Variants in ARHGEF40 observed in about 807,000 individuals in gnomAD.
ARHGEF40 encodes the protein Rho guanine nucleotide exchange factor (GEF) 40.
Under a neutral mutation model 165.9 loss-of-function variants are expected in ARHGEF40, and 98 were observed. The observed-to-expected ratio is 0.59, with a 90% CI of 0.50 to 0.70. The LOEUF is 0.70. Ranked by LOEUF, ARHGEF40 falls within the 30% of genes least tolerant of loss-of-function variation. The pLI, the probability that ARHGEF40 is intolerant of heterozygous loss-of-function variation, is 0.00. For synonymous variants in ARHGEF40, 792 were observed against 814.3 expected (o/e 0.97, Z 0.47); for missense variants, 1,815 against 1,968.0 (o/e 0.92, Z 1.47).
chr14:21,074,851 G>C lies in ARHGEF40; in HGVS notation c.1121G>C (p.Arg374Thr). 1 of 1,610,148 alleles carries C rather than the reference G, an allele frequency of 6.2e-7. No individual in the cohort carries two copies. The highest frequency in any genetic ancestry group is 2.2e-5 in the East Asian group (1 of 44,822). The change falls in exon 3 of 24, where the codon AGA (arginine) becomes ACA (threonine). Residue 374 changes from arginine (R) to threonine (T), a missense_variant. Physicochemically the swap from Arg to Thr is moderately conservative, Grantham distance 71. Transcript: ENST00000298694. This position sits in a 1 kb window ranked among gnomAD's most constrained non-coding sequence, Gnocchi z 4.8. ...GAAGGACCACCTGGTACCCCTCGGA[G>C]AACAGGCAAAGGAAACAGAAGAAAG... ...GAEGPPGTPR[R>T]TGKGNRRKKR...
chr14:21,076,327 C>T (rs772592753), intron 5 of ARHGEF40, 33 bp from the exon 6 acceptor site: 2 of 1,581,116 alleles, frequency 1.3e-6, no homozygotes, highest in Middle Eastern at 1.7e-4. Context: ...AACACACACA[C>T]AGCAGCCTCC....
chr14:21,082,798 C>T lies in ARHGEF40; in HGVS notation c.3487-33C>T, dbSNP rs137962557. On this transcript the variant is annotated intron_variant, in intron 15 of 23. Coordinates refer to ENST00000298694, the MANE Select transcript of ARHGEF40 (RefSeq NM_018071.5). Reference sequence around the variant, plus strand: ...AGAGGCTTGTCTGCAGCGGCCTCACCGGGGACTCCTTATCTGTTCTTTACT... The same window carrying T: ...AGAGGCTTGTCTGCAGCGGCCTCACTGGGGACTCCTTATCTGTTCTTTACT... The T allele has an allele frequency of 7.1e-4, 1,144 of 1,605,134 alleles. 13 individuals carry two copies. In the East Asian group the frequency reaches 0.022, roughly 31 times the overall value.
chr14:21,085,134 A>T (rs995566271), intron 18 of ARHGEF40, among the ~76,000 whole-genome samples: 1 of 152,186 alleles, frequency 6.6e-6, no homozygotes, highest in Non-Finnish European at 1.5e-5. Flanking sequence ...CTTATCATTC[A>T]TGCAGAACAC....
chr14:21,080,765 T>C lies in ARHGEF40; in HGVS notation c.2479T>C (p.Phe827Leu), dbSNP rs200882057. Residue 827 changes from phenylalanine (F) to leucine (L), a missense_variant, in exon 12 of 24, where the codon TTC becomes CTC. Phe to Leu is a conservative substitution (Grantham distance 22, BLOSUM62 0). Coordinates refer to ENST00000298694, the MANE Select transcript of ARHGEF40 (RefSeq NM_018071.5). Reference sequence around the variant, plus strand: ...GGAGACAGAGCTGCGATTCCGTGCTTTCAGCGCTGAGGTCCAGGTGAGAAG... The same window carrying C: ...GGAGACAGAGCTGCGATTCCGTGCTCTCAGCGCTGAGGTCCAGGTGAGAAG... ...LQETELRFRAFSAEVQERLAQ... is the reference protein window; with the variant it reads ...LQETELRFRALSAEVQERLAQ... The C allele has an allele frequency of 7.5e-6, 12 of 1,608,252 alleles. No individual in the cohort carries two copies. Among genetic ancestry groups the C allele is most frequent in the African/African-American group, 1.3e-5 (1 of 74,858 alleles).
In ARHGEF40 at chr14:21,070,916, G is replaced by A; in HGVS notation, c.3+517G>A. ...CCCTAGGGGACTGGCCACAGCTGTGGCTGGGCCGGGTCCCGGGGCATGGCC... is the reference window on the plus strand; with the variant it reads ...CCCTAGGGGACTGGCCACAGCTGTGACTGGGCCGGGTCCCGGGGCATGGCC... On this transcript the variant is annotated intron_variant, in intron 1 of 23. Transcript: ENST00000298694. This position sits in a 1 kb window ranked among gnomAD's most constrained non-coding sequence, Gnocchi z 4.7. 2 of 1,493,458 alleles carry A rather than the reference G, an allele frequency of 1.3e-6. No homozygotes were observed. Among genetic ancestry groups the A allele is most frequent in the South Asian group, 1.2e-5 (1 of 83,154 alleles). 92.5% of individuals were successfully genotyped at this position (1,493,458 alleles called of 1,614,324 possible).
chr14:21,089,108 T>G lies in ARHGEF40; in HGVS notation c.*100T>G, dbSNP rs1489020599. The G allele has an allele frequency of 4.1e-6, 2 of 492,570 alleles. No homozygotes were observed. The highest frequency in any genetic ancestry group is 3.9e-5 in the African/African-American group (2 of 51,040). The allele number at this position is 492,570 out of a possible 1,614,324, so 30.5% of individuals were successfully genotyped here. On this transcript the variant is annotated 3_prime_UTR_variant, in exon 24 of 24. Transcript: ENST00000298694. ...ATGGAGCCCTGGGCGATCGCTGAAT[T>G]TCTTCCCTCTGCTTCCTGGACACAG... is the stretch of plus-strand genomic sequence containing the variant.
At chr14:21,076,533 C>A (rs1423948994) in intron 6 of ARHGEF40, 30 bp from the exon 7 acceptor site, 1 of 1,614,070 alleles carries the variant, frequency 6.2e-7, no homozygotes, top group Non-Finnish European at 8.5e-7. Flanking sequence ...CCCGATTGCC[C>A]AGTTTAGGGT....
At position 21,089,710 on chromosome 14, in the gene ARHGEF40, G is replaced by A. The variant is rs1888668034; in HGVS notation, c.*702G>A. The A allele has an allele frequency of 6.6e-6, 1 of 152,286 alleles. No individual in the cohort carries two copies. Among genetic ancestry groups the A allele is most frequent in the Non-Finnish European group, 1.5e-5 (1 of 68,130 alleles). The allele number at this position is 152,286 out of a possible 1,614,324, so 9.4% of individuals were successfully genotyped here. ...AGCTAGCTGACTGTGTATGAGCCTG[G>A]GAGAATGTGTCTCCTCCACAGTGGC... is the stretch of plus-strand genomic sequence containing the variant. On this transcript the variant is annotated 3_prime_UTR_variant, in exon 24 of 24. Coordinates refer to ENST00000298694, the MANE Select transcript of ARHGEF40 (RefSeq NM_018071.5).
At chr14:21,078,651 T>G (rs995477830) in intron 10 of ARHGEF40, among the ~76,000 whole-genome samples, 163 bp downstream of exon 10, 5 of 152,256 alleles carry the variant, frequency 3.3e-5, no homozygotes, top group African/African-American at 1.2e-4. Flanking sequence ...AACATCCTTA[T>G]GTGCCATTTA....
At position 21,083,983 on chromosome 14, in the gene ARHGEF40, A is replaced by G; in HGVS notation, c.3722A>G (p.Gln1241Arg). 1.2e-6 allele frequency: 2 copies of G among 1,613,422 alleles called. No individual in the cohort carries two copies. The highest frequency in any genetic ancestry group is 2.2e-5 in the East Asian group (1 of 44,874). ...TGCCGGGCCCTTGGGGCTGCTGTAC[A>G]GCTGCTCCGGGAACAAGAGGCCCGT... ...SECRALGAAV[Q>R]LLREQEARGR... Residue 1241 changes from glutamine (Q) to arginine (R), a missense_variant, in exon 17 of 24, where the codon CAG becomes CGG. Gln to Arg is a conservative substitution (Grantham distance 43, BLOSUM62 1). Coordinates refer to ENST00000298694, the MANE Select transcript of ARHGEF40 (RefSeq NM_018071.5).
Position 21,070,417 on chromosome 14 carries a change from G to GC in ARHGEF40, c.3+23dup. 7.1e-7 allele frequency: 1 copy of GC among 1,413,676 alleles called. No individual in the cohort carries two copies. The highest frequency in any genetic ancestry group is 1.5e-5 in the South Asian group (1 of 64,866). The allele number at this position is 1,413,676 out of a possible 1,614,324, so 87.6% of individuals were successfully genotyped here. A position where few individuals can be genotyped will look rare whatever the true frequency, so the allele number is the denominator to read the frequency against. Reference sequence around the variant, plus strand: ...GAGCCATGGTGAGTCCAGCGTCGCAGCCCCCTGGGTCCCCTCGGCCTTCGC... The same window carrying GC: ...GAGCCATGGTGAGTCCAGCGTCGCAGCCCCCCTGGGTCCCCTCGGCCTTCGC... On this transcript the variant is annotated intron_variant, in intron 1 of 23. Transcript: ENST00000298694. The surrounding 1 kb of genome is among the most constrained non-coding windows in gnomAD (Gnocchi z 4.7).
In ARHGEF40 at chr14:21,084,886, G is replaced by A. The variant is rs374399179; in HGVS notation, c.3923G>A (p.Gly1308Glu). The A allele has an allele frequency of 1.1e-5, 18 of 1,614,150 alleles. No individual in the cohort carries two copies. The highest frequency in any genetic ancestry group is 1.7e-5 in the Admixed American group (1 of 60,024). The part of the protein sequence containing the change: ...LLFSKLKGPE[G>E]GSEMFVYKQA... The stretch of plus-strand genomic sequence containing the variant: ...TTCAGCAAGCTCAAGGGCCCTGAAG[G>A]GGGGTCAGAGATGTTTGTTTACAAG... Residue 1308 changes from glycine (G) to glutamate (E), a missense_variant, in exon 18 of 24, where the codon GGG (glycine) becomes GAG (glutamate). Transcript: ENST00000298694.
chr14:21,087,621 T>A (rs1273191375), intron 21 of ARHGEF40, 158 bp downstream of exon 21: 1 of 1,069,572 alleles, frequency 9.3e-7, no homozygotes, highest in East Asian at 2.6e-5. Context: ...TCCATCTGGT[T>A]GCTAGGGTGA....
rs781146379 is a variant in ARHGEF40 at position 21,078,978 on chromosome 14, G to A, written c.2341G>A (p.Glu781Lys). 6 of 1,614,056 alleles carry A rather than the reference G, an allele frequency of 3.7e-6. No homozygotes were observed. The highest frequency in any genetic ancestry group is 5.1e-6 in the Non-Finnish European group (6 of 1,179,954). Residue 781 changes from glutamate (E) to lysine (K), a missense_variant, in exon 11 of 24, where the codon GAG becomes AAG. By Grantham distance (56) the Glu-to-Lys change is moderately conservative (BLOSUM62 1). Transcript: ENST00000298694. ...RLSNLHVQQQ[E>K]QRQCLRRLQQ... is the part of the protein sequence containing the mutation. ...CTCCAACCTGCACGTGCAGCAGCAA[G>A]AGCAGCGGCAGTGCCTGCGGCGACT... is the stretch of plus-strand genomic sequence containing the variant.
chr14:21,083,958 T>A lies in ARHGEF40; in HGVS notation c.3697T>A (p.Cys1233Ser), dbSNP rs1888140700. The part of the protein sequence containing the change: ...REAGPELSSE[C>S]RALGAAVQLL... ...AGCTGGGCCTGAGCTCAGTTCTGAG[T>A]GCCGGGCCCTTGGGGCTGCTGTACA... The change falls in exon 17 of 24, where the codon TGC (cysteine) becomes AGC (serine). Residue 1233 changes from cysteine to serine, a missense_variant. Physicochemically the swap from Cys to Ser is moderately radical, Grantham distance 112. Coordinates refer to ENST00000298694, the MANE Select transcript of ARHGEF40 (RefSeq NM_018071.5). 8 of 1,613,910 alleles carry A rather than the reference T, an allele frequency of 5.0e-6. No individual in the cohort carries two copies. Among genetic ancestry groups the A allele is most frequent in the Admixed American group, 3.3e-5 (2 of 60,000 alleles).
At chr14:21,081,337 C>A (rs1474645280) in intron 13 of ARHGEF40, 172 bp from the exon 14 acceptor site, 5 of 982,356 alleles carry the variant, frequency 5.1e-6, no homozygotes, top group Middle Eastern at 2.9e-4. Context: ...CATCTCCATA[C>A]CAACTCCGAG....
In ARHGEF40 at chr14:21,072,841, G is replaced by A. The variant is rs527737517; in HGVS notation, c.4-204G>A. 5.9e-5 allele frequency among the ~76,000 whole-genome samples: 9 copies of A among 152,294 alleles called. No individual in the cohort carries two copies. The South Asian group carries it at 1.7e-3, about 28-fold the overall frequency. ...GCCAAGGTCTCAGAGCGGGAGTGTTGAGCGCCCTGCCAGGTTTGTGCACTC... is the reference window on the plus strand; with the variant it reads ...GCCAAGGTCTCAGAGCGGGAGTGTTAAGCGCCCTGCCAGGTTTGTGCACTC... On this transcript the variant is annotated intron_variant, in intron 1 of 23. Coordinates refer to ENST00000298694, the MANE Select transcript of ARHGEF40 (RefSeq NM_018071.5). This position sits in a 1 kb window ranked among gnomAD's most constrained non-coding sequence, Gnocchi z 4.1.
In ARHGEF40 at chr14:21,074,477, G is replaced by C. The variant is rs775301243; in HGVS notation, c.747G>C (p.Thr249=). 1.9e-6 allele frequency: 3 copies of C among 1,569,684 alleles called. No homozygotes were observed. The highest frequency in any genetic ancestry group is 2.6e-6 in the Non-Finnish European group (3 of 1,157,410). The part of the protein sequence containing the change: ...EGEYVELLEV[T]LPVRGSPTDA... ...AGTATGTGGAGCTGTTAGAGGTGAC[G>C]CTGCCCGTGAGGGGGAGCCCAACAG... The change falls in exon 3 of 24, where the codon ACG becomes ACC. Residue 249 remains threonine, a synonymous_variant. Coordinates refer to ENST00000298694, the MANE Select transcript of ARHGEF40 (RefSeq NM_018071.5). This position sits in a 1 kb window ranked among gnomAD's most constrained non-coding sequence, Gnocchi z 4.8.
intron 18 of ARHGEF40, among the ~76,000 whole-genome samples, chr14:21,085,391 C>G (rs921546066): frequency 6.6e-6 from 1 of 152,186 alleles, no homozygotes; most frequent in African/African-American, 2.4e-5. Context: ...CTTTGTACCC[C>G]CTGCACAGAG....
Sources: gnomAD v4.1 joint callset for allele counts (sites outside exome capture counted in the v4.1 genomes callset) on GRCh38, gnomAD v4.1.1 for gene constraint, Gnocchi (gnomAD v3.1) non-coding constraint, MANE v1.5 for transcripts, NCBI Gene and HGNC (gene_info 2026-07-23, HGNC 2026-07-21) for gene names.